SNX18: variants seen among roughly 807,000 people sequenced by gnomAD.
SNX18 encodes the protein sorting nexin 18.
SNX18 carries 35 observed loss-of-function variants against 48.7 expected under a neutral mutation model. The ratio of observed to expected loss-of-function variants is 0.72; its 90% CI spans 0.55 to 0.95. The LOEUF (loss-of-function observed/expected upper bound fraction) is 0.95, where lower values mean the gene tolerates loss of function less well. Among genes scored for constraint, SNX18 ranks in the 40% least tolerant of loss-of-function variants. The pLI is 0.00. For missense variants in SNX18, 824 were observed against 871.0 expected (o/e 0.95, Z 0.68); for synonymous variants, 492 against 384.7 (o/e 1.28, Z -3.26).
chr5:54,647,375 C>A, the SNX18 span, among the ~76,000 whole-genome samples: 1 of 152,104 alleles, frequency 6.6e-6, no homozygotes, highest in Admixed American at 6.5e-5. Context: ...AACCACCACA[C>A]CTGACCCAGG....
chr5:54,577,980 T>G, the SNX18 span, among the ~76,000 whole-genome samples: 10 of 152,166 alleles, frequency 6.6e-5, no homozygotes, highest in African/African-American at 2.4e-4. Context: ...AGGTTGCTCA[T>G]TATTACACAA....
rs187538617 is a variant in SNX18, at chr5:54,522,457, G to A, written c.1621+2884G>A. 1.5e-3 allele frequency among the ~76,000 whole-genome samples: 224 copies of A among 152,282 alleles called. 1 individual carries two copies. The highest frequency in any genetic ancestry group is 5.1e-3 in the African/African-American group (213 of 41,548). On this transcript the variant is annotated intron_variant, in intron 1 of 1. Coordinates refer to ENST00000381410, the MANE Select transcript of SNX18 (RefSeq NM_001102575.2). ...CTGCAGTTTAACTATCAACCCCATC[G>A]TAAGTTTCTCCAGCAAATTATTATA...
At chr5:54,594,400 A>G in the SNX18 span, among the ~76,000 whole-genome samples, 14,931 of 152,210 alleles carry the variant, frequency 0.098, 811 homozygotes, top group Middle Eastern at 0.17. Context: ...AACACAGCCA[A>G]TCTGAGGTTG....
At chr5:54,603,960 A>G in the SNX18 span, among the ~76,000 whole-genome samples, 10 of 152,232 alleles carry the variant, frequency 6.6e-5, no homozygotes, top group African/African-American at 2.4e-4. Context: ...GAAAGGAGAA[A>G]GAACACTAAC....
In SNX18 at chr5:54,545,181, T is replaced by C. The variant is rs115222047; in HGVS notation, c.*1749T>C. ...GAACATTATGTGGCTTTGTCTTTAC[T>C]ACAGATATGTGGAACTGTAACCAAA... is the stretch of plus-strand genomic sequence containing the variant. On this transcript the variant is annotated 3_prime_UTR_variant, in exon 2 of 2. Transcript: ENST00000381410. 6.8e-3 allele frequency: 1,031 copies of C among 152,316 alleles called. 12 individuals carry two copies. Among genetic ancestry groups the C allele is most frequent in the African/African-American group, 0.018 (738 of 41,570 alleles). The allele number at this position is 152,316 out of a possible 1,614,324, so 9.4% of individuals were successfully genotyped here.
At chr5:54,632,228 C>G in the SNX18 span, among the ~76,000 whole-genome samples, 1 of 152,218 alleles carries the variant, frequency 6.6e-6, no homozygotes, top group Non-Finnish European at 1.5e-5. Flanking sequence ...GGCCATGTTT[C>G]TTTCTTAGCA....
At chr5:54,567,507 T>C in the SNX18 span, among the ~76,000 whole-genome samples, 2 of 151,998 alleles carry the variant, frequency 1.3e-5, no homozygotes, top group Non-Finnish European at 2.9e-5. Context: ...AGTTGGAAGT[T>C]TGGGGCCTGG....
chr5:54,525,393 A>C (rs1580096490), intron 1 of SNX18, among the ~76,000 whole-genome samples: 1 of 148,254 alleles, frequency 6.7e-6, no homozygotes, highest in Non-Finnish European at 1.5e-5. Flanking sequence ...AAAAAAAAAA[A>C]TTAAGGGCGC....
the SNX18 span, among the ~76,000 whole-genome samples, chr5:54,641,994 T>C: frequency 6.6e-6 from 1 of 152,206 alleles, no homozygotes; most frequent in Admixed American, 6.5e-5. Flanking sequence ...CAGACAGTGA[T>C]TTTATAATAA....
In SNX18 at chr5:54,537,182, AAGAG is replaced by A. The variant is rs576244427; in HGVS notation, c.1622-5985_1622-5982del. ...TTGTCTCTACAGTTTAAATTAAATA[AAGAG>A]AGAGAGAGAGAAGAAAATTTCTTTT... On this transcript the variant is annotated intron_variant, in intron 1 of 1. Coordinates refer to ENST00000381410, the MANE Select transcript of SNX18 (RefSeq NM_001102575.2). 1.5e-3 allele frequency among the ~76,000 whole-genome samples: 234 copies of A among 151,912 alleles called. 2 individuals carry two copies. Among genetic ancestry groups the A allele is most frequent in the African/African-American group, 5.3e-3 (220 of 41,410 alleles).
chr5:54,574,144 A>C, the SNX18 span, among the ~76,000 whole-genome samples: 2 of 152,190 alleles, frequency 1.3e-5, no homozygotes, highest in African/African-American at 4.8e-5. Flanking sequence ...TGGTGTGTGG[A>C]ATTACCTACA....
the SNX18 span, among the ~76,000 whole-genome samples, chr5:54,583,234 C>A: frequency 1.3e-5 from 2 of 152,208 alleles, no homozygotes; most frequent in African/African-American, 4.8e-5. Context: ...ACCTCAGCCT[C>A]CTAAAGTGCT....
chr5:54,572,822 A>G, the SNX18 span, among the ~76,000 whole-genome samples: 2 of 107,390 alleles, frequency 1.9e-5, no homozygotes, highest in East Asian at 2.8e-4. Flanking sequence ...GAGACAGAGT[A>G]TCACTTCGTC....
the SNX18 span, among the ~76,000 whole-genome samples, chr5:54,637,229 C>G: frequency 3.9e-5 from 6 of 152,202 alleles, no homozygotes; most frequent in South Asian, 1.0e-3. Context: ...AAGAATTTTG[C>G]GACTTTGCAC....
At chr5:54,529,069 T>A (rs1003826360) in intron 1 of SNX18, among the ~76,000 whole-genome samples, 7 of 152,308 alleles carry the variant, frequency 4.6e-5, no homozygotes, top group African/African-American at 1.7e-4. Flanking sequence ...TGGCCAGGCC[T>A]GCACTTAAGA....
At chr5:54,536,764 C>A (rs1379020617) in intron 1 of SNX18, among the ~76,000 whole-genome samples, 1 of 152,146 alleles carries the variant, frequency 6.6e-6, no homozygotes, top group Admixed American at 6.5e-5. Flanking sequence ...ATGGCTGGGT[C>A]AAATGGTATT....
At chr5:54,537,935 G>A (rs1306250385) in intron 1 of SNX18, among the ~76,000 whole-genome samples, 2 of 152,222 alleles carry the variant, frequency 1.3e-5, no homozygotes, top group Non-Finnish European at 2.9e-5. Flanking sequence ...TACCTCTGCA[G>A]TTGTTTCTTA....
rs1313271831 is a variant in SNX18 at position 54,544,465 on chromosome 5, T to A, written c.*1033T>A. The A allele has an allele frequency of 1.3e-5, 2 of 152,188 alleles. No individual in the cohort carries two copies. Among genetic ancestry groups the A allele is most frequent in the Non-Finnish European group, 2.9e-5 (2 of 68,024 alleles). The allele number at this position is 152,188 out of a possible 1,614,324, so 9.4% of individuals were successfully genotyped here. A position where few individuals can be genotyped will look rare whatever the true frequency, so the allele number is the denominator to read the frequency against. The stretch of plus-strand genomic sequence containing the variant: ...TGAGACTCCACTGTGATTCACTTGT[T>A]TACTTAAAAACTTTTCAGGGATGTC... On this transcript the variant is annotated 3_prime_UTR_variant, in exon 2 of 2. Coordinates refer to ENST00000381410, the MANE Select transcript of SNX18 (RefSeq NM_001102575.2).
At chr5:54,557,054 C>G in the SNX18 span, among the ~76,000 whole-genome samples, 1 of 152,086 alleles carries the variant, frequency 6.6e-6, no homozygotes, top group South Asian at 2.1e-4. Flanking sequence ...CTTTGAGGAC[C>G]ATCAGTTGAT....
Sources: gnomAD v4.1 joint callset for allele counts (sites outside exome capture counted in the v4.1 genomes callset) on GRCh38, gnomAD v4.1.1 for gene constraint, MANE v1.5 for transcripts, NCBI Gene and HGNC (gene_info 2026-07-23, HGNC 2026-07-21) for gene names.